The following PELI1 variants were observed in gnomAD, a reference collection of about 807,000 sequenced individuals.
PELI1 encodes E3 ubiquitin-protein ligase pellino homolog 1.
In PELI1, 15 loss-of-function variants were observed where a neutral mutation model predicts 41.3. The ratio of observed to expected loss-of-function variants is 0.36; its 90% CI spans 0.24 to 0.56. PELI1 has a LOEUF of 0.56. Among genes scored for constraint, PELI1 ranks in the 20% least tolerant of loss-of-function variants. The pLI, the probability that PELI1 is intolerant of heterozygous loss-of-function variation, is 0.82. For missense variants in PELI1, 403 were observed against 525.5 expected (o/e 0.77, Z 2.28); for synonymous variants, 178 against 180.1 (o/e 0.99, Z 0.09).
chr2:64,135,978 A>G (rs1381297131), intron 1 of PELI1, among the ~76,000 whole-genome samples: 1 of 152,206 alleles, frequency 6.6e-6, no homozygotes, highest in East Asian at 1.9e-4. Flanking sequence ...ATTTTGTGAG[A>G]TCCAATTTCT....
At chr2:64,110,290 A>C (rs993639168) in intron 1 of PELI1, among the ~76,000 whole-genome samples, 4 of 148,254 alleles carry the variant, frequency 2.7e-5, no homozygotes, top group Non-Finnish European at 4.5e-5. Flanking sequence ...CTGGAAGCAG[A>C]GAGAGAGAGA....
chr2:64,104,681 CTTTTTT>C lies in PELI1; in HGVS notation c.201+14_201+19del, dbSNP rs537000200. 3.2e-5 allele frequency: 47 copies of C among 1,466,120 alleles called. No homozygotes were observed. Among genetic ancestry groups the C allele is most frequent in the African/African-American group, 1.2e-4 (8 of 66,152 alleles). The allele number at this position is 1,466,120 out of a possible 1,614,324, so 90.8% of individuals were successfully genotyped here. A position where few individuals can be genotyped will look rare whatever the true frequency, so the allele number is the denominator to read the frequency against. On this transcript the variant is annotated intron_variant, in intron 3 of 6. Transcript: ENST00000358912. ...AAATTCTCCAAGTTAATTTATGTAG[CTTTTTT>C]TTTTTTTTTTTACCTTTGCAGCCTG...
chr2:64,137,898 T>C (rs1238108917), intron 1 of PELI1, among the ~76,000 whole-genome samples: 1 of 152,188 alleles, frequency 6.6e-6, no homozygotes. Flanking sequence ...AAATATTGAG[T>C]AATGCTAGTA....
In PELI1 at chr2:64,099,197, C is replaced by CACACAT. The variant is rs1553354345; in HGVS notation, c.303+1195_303+1200dup. ...ACACACACACACACACACACACACA[C>CACACAT]ACACATATATATTTATCTATATTTT... On this transcript the variant is annotated intron_variant, in intron 4 of 6. Coordinates refer to ENST00000358912, the MANE Select transcript of PELI1 (RefSeq NM_020651.4). 5.3e-5 allele frequency among the ~76,000 whole-genome samples: 8 copies of CACACAT among 151,112 alleles called. No individual in the cohort carries two copies. The East Asian group carries it at 1.5e-3, about 29-fold the overall frequency.
chr2:64,121,019 A>G (rs1331896609), intron 1 of PELI1, among the ~76,000 whole-genome samples: 1 of 152,168 alleles, frequency 6.6e-6, no homozygotes, highest in Admixed American at 6.5e-5. Flanking sequence ...TAACTGTCCC[A>G]TCCCCTGAAG....
intron 3 of PELI1, among the ~76,000 whole-genome samples, chr2:64,104,015 CA>C (rs1394833382): frequency 6.6e-6 from 1 of 152,102 alleles, no homozygotes; most frequent in African/African-American, 2.4e-5. Context: ...AGGAAAAGCC[CA>C]AGTATCCTGA....
intron 4 of PELI1, among the ~76,000 whole-genome samples, chr2:64,097,068 C>G (rs1680263620): frequency 1.3e-5 from 2 of 152,168 alleles, no homozygotes; most frequent in Non-Finnish European, 2.9e-5. Flanking sequence ...TTACGTTAAG[C>G]TGAAATGCAG....
intron 3 of PELI1, among the ~76,000 whole-genome samples, chr2:64,101,536 A>C (rs1680433343): frequency 6.6e-6 from 1 of 152,164 alleles, no homozygotes; most frequent in Admixed American, 6.6e-5. Context: ...CACACAAAGG[A>C]AGTAGAAATG....
chr2:64,104,914 C>G, intron 2 of PELI1, 84 bp from the exon 3 acceptor site: 1 of 1,112,854 alleles, frequency 9.0e-7, no homozygotes, highest in Admixed American at 2.4e-5. Flanking sequence ...CTTGCAGAAT[C>G]AATTCCCAAT....
At chr2:64,118,196 T>C (rs912725401) in intron 1 of PELI1, among the ~76,000 whole-genome samples, 1 of 152,212 alleles carries the variant, frequency 6.6e-6, no homozygotes, top group Non-Finnish European at 1.5e-5. Context: ...ACAATAAATA[T>C]ATACAGCTGG....
At position 64,092,898 on chromosome 2, in the gene PELI1, T is replaced by C. The variant is rs967347447; in HGVS notation, c.*1804A>G. The C allele has an allele frequency of 6.6e-6, 1 of 152,228 alleles. No homozygotes were observed. The highest frequency in any genetic ancestry group is 2.4e-5 in the African/African-American group (1 of 41,468). The allele number at this position is 152,228 out of a possible 1,614,324, so 9.4% of individuals were successfully genotyped here. On this transcript the variant is annotated 3_prime_UTR_variant, in exon 7 of 7. Transcript: ENST00000358912. Reference sequence around the variant, plus strand: ...TATTTACTTAGTTTAAATAAATTAATTGCAAATAAAAATTAAGCTACAATA... The same window carrying C: ...TATTTACTTAGTTTAAATAAATTAACTGCAAATAAAAATTAAGCTACAATA...
intron 1 of PELI1, among the ~76,000 whole-genome samples, chr2:64,132,588 C>T (rs1681590990): frequency 6.6e-6 from 1 of 152,082 alleles, no homozygotes; most frequent in Non-Finnish European, 1.5e-5. Flanking sequence ...CTTGAATGAC[C>T]ACCTATGTCA....
chr2:64,119,457 T>A (rs1196518461), intron 1 of PELI1, among the ~76,000 whole-genome samples: 1 of 152,202 alleles, frequency 6.6e-6, no homozygotes, highest in Non-Finnish European at 1.5e-5. Context: ...TATTAAAGCA[T>A]CTGCCAGTTA....
chr2:64,112,202 C>T (rs1680827708), intron 1 of PELI1, among the ~76,000 whole-genome samples: 1 of 152,164 alleles, frequency 6.6e-6, no homozygotes, highest in African/African-American at 2.4e-5. Flanking sequence ...CCGTATTTGG[C>T]TGACATTAGT....
chr2:64,111,762 T>C (rs1680813429), intron 1 of PELI1, among the ~76,000 whole-genome samples: 1 of 152,198 alleles, frequency 6.6e-6, no homozygotes, highest in Admixed American at 6.5e-5. Flanking sequence ...GATCTTCTGA[T>C]ATACATGAAA....
intron 1 of PELI1, among the ~76,000 whole-genome samples, chr2:64,137,567 T>G (rs540050317): frequency 5.9e-5 from 9 of 151,610 alleles, no homozygotes; most frequent in Non-Finnish European, 8.9e-5. Flanking sequence ...CTCTCAGAGG[T>G]TATATACCCT....
Position 64,094,477 on chromosome 2 carries a change from TTCAAAAC to T in PELI1, c.*218_*224del. 1 of 452,008 alleles carries T rather than the reference TTCAAAAC, an allele frequency of 2.2e-6. No individual in the cohort carries two copies. The highest frequency in any genetic ancestry group is 2.0e-5 in the African/African-American group (1 of 50,798). The allele number at this position is 452,008 out of a possible 1,614,324, so 28.0% of individuals were successfully genotyped here. On this transcript the variant is annotated 3_prime_UTR_variant, in exon 7 of 7. Coordinates refer to ENST00000358912, the MANE Select transcript of PELI1 (RefSeq NM_020651.4). ...TGTCTTTTTCTCCTCAAAATATATT[TTCAAAAC>T]TCAGAATTCAGAAGACTGATACTTT...
At chr2:64,141,525 C>A (rs536194783) in intron 1 of PELI1, among the ~76,000 whole-genome samples, 122 of 152,224 alleles carry the variant, frequency 8.0e-4, no homozygotes, top group African/African-American at 2.6e-3. Context: ...AAATCTTTAT[C>A]AGCTATAGAA....
chr2:64,112,021 C>T (rs1235785248), intron 1 of PELI1, among the ~76,000 whole-genome samples: 1 of 151,738 alleles, frequency 6.6e-6, no homozygotes, highest in Non-Finnish European at 1.5e-5. Flanking sequence ...AATAACGTTG[C>T]TTTGTTTTGA....
Sources: allele counts gnomAD v4.1 joint callset (sites outside exome capture counted in the v4.1 genomes callset), GRCh38; gene constraint gnomAD v4.1.1; transcripts MANE v1.5; gene names NCBI Gene and HGNC (gene_info 2026-07-23, HGNC 2026-07-21).